Variants in MACROD2 observed in about 807,000 individuals in gnomAD.
The protein encoded by MACROD2 is ADP-ribose glycohydrolase MACROD2.
MACROD2 carries 36 observed loss-of-function variants against 70.4 expected under a neutral mutation model. That is an observed-to-expected ratio of 0.51 (90% CI 0.39 to 0.68). The LOEUF is 0.68. MACROD2 is among the 30% of genes least tolerant of loss of function. The probability of loss-of-function intolerance (pLI) is 0.00; values close to 1 mark genes in which losing one functional copy is unlikely to be tolerated. For synonymous variants in MACROD2, 172 were observed against 178.8 expected, an observed-to-expected ratio of 0.96 and a Z score of 0.30; for missense variants, 496 against 538.4, an observed-to-expected ratio of 0.92 and a Z score of 0.78.
chr20:16,019,076 T>C (rs1404589617), intron 15 of MACROD2, among the ~76,000 whole-genome samples: 1 of 152,206 alleles, frequency 6.6e-6, no homozygotes, highest in Non-Finnish European at 1.5e-5. Flanking sequence ...GGCCAGACAC[T>C]GTTTGGGCAT....
At position 14,484,590 on chromosome 20, in the gene MACROD2, A is replaced by G. The variant is rs551519369; in HGVS notation, c.272-8889A>G. Among the ~76,000 whole-genome samples, 7 of 151,690 alleles carry G rather than the reference A, an allele frequency of 4.6e-5. No individual in the cohort carries two copies. In the South Asian group the frequency reaches 1.5e-3, roughly 32 times the overall value. ...ATCCCCACTTCCTCTCCACCCCTCG[A>G]ATACCCTTTCCAGTGTCTGGTAACC... is the stretch of plus-strand genomic sequence containing the variant. On this transcript the variant is annotated intron_variant, in intron 3 of 17. Coordinates refer to ENST00000684519, the MANE Select transcript of MACROD2 (RefSeq NM_001351661.2).
rs1319940613 is a variant in MACROD2 at position 14,795,625 on chromosome 20, G to C, written c.418+110666G>C. On this transcript the variant is annotated intron_variant, in intron 5 of 17. Coordinates refer to ENST00000684519, the MANE Select transcript of MACROD2 (RefSeq NM_001351661.2). ...AATATTCAAGTGCAAATATTAAATAGACAGTTGAATATCCAAGTTTGGAAA... is the reference window on the plus strand; with the variant it reads ...AATATTCAAGTGCAAATATTAAATACACAGTTGAATATCCAAGTTTGGAAA... 2.6e-5 allele frequency among the ~76,000 whole-genome samples: 4 copies of C among 152,116 alleles called. No individual in the cohort carries two copies. In the East Asian group the frequency reaches 5.8e-4, roughly 22 times the overall value.
chr20:15,147,878 G>C (rs1256992329), intron 5 of MACROD2, among the ~76,000 whole-genome samples: 1 of 152,102 alleles, frequency 6.6e-6, no homozygotes, highest in Non-Finnish European at 1.5e-5. Flanking sequence ...TGGCAGGCAG[G>C]AGTAGGGGTC....
chr20:15,829,921 A>G (rs1176323126), intron 8 of MACROD2, among the ~76,000 whole-genome samples: 1 of 152,236 alleles, frequency 6.6e-6, no homozygotes, highest in Non-Finnish European at 1.5e-5. Flanking sequence ...GAAATTTTGA[A>G]GGAAGGATGA....
chr20:14,765,210 A>G (rs968607223), intron 5 of MACROD2, among the ~76,000 whole-genome samples: 2 of 152,114 alleles, frequency 1.3e-5, no homozygotes, highest in African/African-American at 4.8e-5. Flanking sequence ...AGTCAGATTA[A>G]CAACTCCATT....
intron 4 of MACROD2, among the ~76,000 whole-genome samples, chr20:14,653,619 G>C (rs1192573948): frequency 6.6e-6 from 1 of 151,832 alleles, no homozygotes; most frequent in Non-Finnish European, 1.5e-5. Flanking sequence ...GCCTCCCAAA[G>C]TGCTGGGATT....
chr20:15,406,565 AAAG>A (rs1487500309), intron 6 of MACROD2, among the ~76,000 whole-genome samples: 1 of 152,152 alleles, frequency 6.6e-6, no homozygotes, highest in African/African-American at 2.4e-5. Flanking sequence ...TTTTTAATTA[AAAG>A]AAGATGAAAA....
chr20:14,481,543 T>A (rs1000487311), intron 3 of MACROD2, among the ~76,000 whole-genome samples: 2 of 152,198 alleles, frequency 1.3e-5, no homozygotes, highest in African/African-American at 4.8e-5. Flanking sequence ...TTCTGGTAAC[T>A]TTGGTTTAAA....
intron 5 of MACROD2, among the ~76,000 whole-genome samples, chr20:15,021,256 A>ACATACGTGTGTGTATACG (rs1568535013): frequency 1.2e-5 from 1 of 83,790 alleles, no homozygotes; most frequent in Non-Finnish European, 2.6e-5. Context: ...GTATGTATAC[A>ACATACGTGTGTGTATACG]CACACCTGTG....
At chr20:14,126,878 C>T (rs1242798457) in intron 3 of MACROD2, among the ~76,000 whole-genome samples, 1 of 152,166 alleles carries the variant, frequency 6.6e-6, no homozygotes. Flanking sequence ...TCCCCAGCCT[C>T]TTTCCCTGTC....
intron 9 of MACROD2, among the ~76,000 whole-genome samples, chr20:15,868,618 T>TC (rs11380603): frequency 2.0e-5 from 3 of 148,106 alleles, no homozygotes; most frequent in African/African-American, 5.0e-5. Context: ...TTTTTTTTTT[T>TC]CATTAGTTTG....
At chr20:14,522,008 T>A (rs2085173664) in intron 4 of MACROD2, among the ~76,000 whole-genome samples, 1 of 152,108 alleles carries the variant, frequency 6.6e-6, no homozygotes, top group Admixed American at 6.5e-5. Flanking sequence ...GCTTGGTGCA[T>A]CTCTAGGGGG....
In MACROD2 at chr20:15,499,757, T is replaced by G; in HGVS notation, c.572-17T>G. 6.2e-7 allele frequency: 1 copy of G among 1,613,348 alleles called. No individual in the cohort carries two copies. Among genetic ancestry groups the G allele is most frequent in the Non-Finnish European group, 8.5e-7 (1 of 1,179,370 alleles). ...CATCTTTCGTTGTTCATTTGTTTTT[T>G]CCTGCTCTTCATCTAGGCTTTCCCA... On this transcript the variant is annotated splice_polypyrimidine_tract_variant and intron_variant, in intron 7 of 17. Coordinates refer to ENST00000684519, the MANE Select transcript of MACROD2 (RefSeq NM_001351661.2).
At chr20:14,822,176 C>T (rs2072853218) in intron 5 of MACROD2, among the ~76,000 whole-genome samples, 1 of 151,924 alleles carries the variant, frequency 6.6e-6, no homozygotes, top group South Asian at 2.1e-4. Context: ...ACTTGATGGA[C>T]CTTAGCTGGG....
chr20:15,348,668 G>A (rs1256987327), intron 6 of MACROD2, among the ~76,000 whole-genome samples: 1 of 152,176 alleles, frequency 6.6e-6, no homozygotes, highest in Admixed American at 6.5e-5. Context: ...ATCTTACATG[G>A]TGGGAAGCAA....
chr20:14,216,640 T>C (rs2081625111), intron 3 of MACROD2, among the ~76,000 whole-genome samples: 1 of 152,210 alleles, frequency 6.6e-6, no homozygotes, highest in Non-Finnish European at 1.5e-5. Context: ...TCCATGAGCA[T>C]GGGATGTGTT....
chr20:15,880,488 G>A (rs2064739131), intron 9 of MACROD2, among the ~76,000 whole-genome samples: 1 of 151,780 alleles, frequency 6.6e-6, no homozygotes, highest in East Asian at 2.0e-4. Flanking sequence ...ACACCAGTAG[G>A]GAAGTGGGGA....
At position 14,981,584 on chromosome 20, in the gene MACROD2, C is replaced by T. The variant is rs567718807; in HGVS notation, c.419-248356C>T. On this transcript the variant is annotated intron_variant, in intron 5 of 17. Transcript: ENST00000684519. Reference sequence around the variant, plus strand: ...GTGGGAGGTAATTGAATCATGGGGGCAGATCTTTCCTGTGTTGTTCTTGTG... The same window carrying T: ...GTGGGAGGTAATTGAATCATGGGGGTAGATCTTTCCTGTGTTGTTCTTGTG... Among the ~76,000 whole-genome samples the T allele has an allele frequency of 3.3e-5, 5 of 151,922 alleles. 1 individual carries two copies. Among genetic ancestry groups the T allele is most frequent in the Admixed American group, 3.3e-4 (5 of 15,250 alleles).
chr20:15,935,230 T>TC (rs1040361875), intron 11 of MACROD2, among the ~76,000 whole-genome samples: 45 of 152,292 alleles, frequency 3.0e-4, no homozygotes, highest in Admixed American at 7.8e-4. Flanking sequence ...AGCCCTTGAA[T>TC]CTGATAGCGT....
Sources: allele counts gnomAD v4.1 joint callset (sites outside exome capture counted in the v4.1 genomes callset), GRCh38; gene constraint gnomAD v4.1.1; transcripts MANE v1.5; gene names NCBI Gene and HGNC (gene_info 2026-07-23, HGNC 2026-07-21).